Variants in CYFIP1 observed in about 807,000 individuals in gnomAD.
CYFIP1 encodes cytoplasmic FMR1 interacting protein 1.
A neutral mutation model predicts 163.5 loss-of-function variants in CYFIP1; 58 were observed. The ratio of observed to expected loss-of-function variants is 0.35; its 90% confidence interval spans 0.29 to 0.44. The LOEUF is 0.44. Ranked by LOEUF, CYFIP1 falls within the 20% of genes least tolerant of loss-of-function variation. CYFIP1 has a pLI of 1.00. For missense variants in CYFIP1, 1,338 were observed against 1,653.8 expected, an observed-to-expected ratio of 0.81 and a Z score of 3.31; for synonymous variants, 663 against 660.7, an observed-to-expected ratio of 1.00 and a Z score of -0.05.
At chr15:22,939,626 A>C in intron 6 of CYFIP1, 119 bp from the exon 7 acceptor site, 1 of 823,072 alleles carries the variant, frequency 1.2e-6, no homozygotes, top group African/African-American at 1.7e-5. Flanking sequence ...CATCTGCAGA[A>C]ATGTGGGTCA....
At chr15:22,964,049 A>G (rs1207727948) in intron 1 of CYFIP1, among the ~76,000 whole-genome samples, 2 of 152,196 alleles carry the variant, frequency 1.3e-5, no homozygotes, top group African/African-American at 2.4e-5. Flanking sequence ...GGTATTGTTG[A>G]CAAATAAAAA....
chr15:22,930,364 C>T (rs543964657), intron 11 of CYFIP1, among the ~76,000 whole-genome samples: 8 of 133,678 alleles, frequency 6.0e-5, no homozygotes, highest in East Asian at 4.4e-4. Context: ...CCAGCCTGGG[C>T]GACACAGCAA....
intron 16 of CYFIP1, 131 bp from the exon 17 acceptor site, chr15:22,915,013 G>T: frequency 2.1e-6 from 2 of 939,762 alleles, no homozygotes; most frequent in South Asian, 2.0e-5. Context: ...GCATGGACAT[G>T]AGTGGGGAGG....
chr15:22,961,275 G>A (rs1218507276), intron 1 of CYFIP1, among the ~76,000 whole-genome samples: 3 of 152,134 alleles, frequency 2.0e-5, no homozygotes, highest in African/African-American at 7.2e-5. Context: ...GCCGGCTTTG[G>A]CCTTCCAAAG....
intron 1 of CYFIP1, among the ~76,000 whole-genome samples, chr15:22,949,105 C>T (rs1014937703): frequency 1.2e-4 from 19 of 152,138 alleles, no homozygotes; most frequent in African/African-American, 4.3e-4. Flanking sequence ...GAAATCCACA[C>T]CCAGACACAT....
chr15:22,954,865 TG>T (rs1231776203), intron 1 of CYFIP1, among the ~76,000 whole-genome samples: 1 of 152,200 alleles, frequency 6.6e-6, no homozygotes, highest in East Asian at 1.9e-4. Flanking sequence ...GCTCTTCCAG[TG>T]ATGTCCTCAG....
At chr15:22,927,884 T>TG in intron 12 of CYFIP1, 22 bp downstream of exon 12, 1 of 1,585,832 alleles carries the variant, frequency 6.3e-7, no homozygotes, top group Non-Finnish European at 8.5e-7. Flanking sequence ...GGAGCGGGGC[T>TG]GGGGTCGGGG....
At chr15:22,951,939 A>C (rs1038416385) in intron 1 of CYFIP1, among the ~76,000 whole-genome samples, 14 of 151,900 alleles carry the variant, frequency 9.2e-5, no homozygotes, top group Non-Finnish European at 1.8e-4. Flanking sequence ...CAGATAACGC[A>C]GCTTGTTGAA....
At chr15:22,934,744 C>T (rs970886929) in intron 9 of CYFIP1, among the ~76,000 whole-genome samples, 3 of 151,756 alleles carry the variant, frequency 2.0e-5, no homozygotes, top group Non-Finnish European at 2.9e-5. Context: ...GTGATCCACC[C>T]GCCTCGGCCT....
At chr15:22,958,502 G>A (rs2062560784) in intron 1 of CYFIP1, among the ~76,000 whole-genome samples, 1 of 152,210 alleles carries the variant, frequency 6.6e-6, no homozygotes, top group Admixed American at 6.5e-5. Context: ...ATGAGGTGCT[G>A]ACATCTAAAA....
At chr15:22,915,655 A>G (rs1390641545) in intron 16 of CYFIP1, among the ~76,000 whole-genome samples, 6 of 152,142 alleles carry the variant, frequency 3.9e-5, no homozygotes, top group Non-Finnish European at 8.8e-5. Flanking sequence ...AGGCTGAGGG[A>G]GGAGAATCTC....
chr15:22,917,388 A>G lies in CYFIP1; in HGVS notation c.1674+400T>C. 2.1e-6 allele frequency: 2 copies of G among 932,774 alleles called. No homozygotes were observed. The highest frequency in any genetic ancestry group is 2.8e-6 in the Non-Finnish European group (2 of 702,990). The allele number at this position is 932,774 out of a possible 1,614,324, so 57.8% of individuals were successfully genotyped here. ...AGAGGACAGTGGGCAGCTTAGGACC[A>G]TGACACACGCAAGCAGCACCTCACA... On this transcript the variant is annotated intron_variant, in intron 15 of 30. Coordinates refer to ENST00000617928, the MANE Select transcript of CYFIP1 (RefSeq NM_014608.6). The surrounding 1 kb of genome is among the most constrained non-coding windows in gnomAD (Gnocchi z 4.2).
chr15:22,868,813 C>T lies in CYFIP1; in HGVS notation c.*1215G>A, dbSNP rs1200785488. ...TTTAAAATTGGTGAAGGTTGCAATA[C>T]TCCAAATAATGTAAAATGACTGCCA... is the stretch of plus-strand genomic sequence containing the variant. On this transcript the variant is annotated 3_prime_UTR_variant, in exon 31 of 31. Coordinates refer to ENST00000617928, the MANE Select transcript of CYFIP1 (RefSeq NM_014608.6). 1.3e-5 allele frequency: 2 copies of T among 152,142 alleles called. No homozygotes were observed. The highest frequency in any genetic ancestry group is 2.4e-5 in the African/African-American group (1 of 41,418). The allele number at this position is 152,142 out of a possible 1,614,324, so 9.4% of individuals were successfully genotyped here.
chr15:22,936,080 T>G (rs1236530194), intron 9 of CYFIP1, among the ~76,000 whole-genome samples: 1 of 152,062 alleles, frequency 6.6e-6, no homozygotes, highest in Non-Finnish European at 1.5e-5. Flanking sequence ...GAGACCAGCC[T>G]GGGCAACATA....
chr15:22,905,918 AC>A (rs1333116515), intron 21 of CYFIP1, among the ~76,000 whole-genome samples: 3 of 143,244 alleles, frequency 2.1e-5, no homozygotes, highest in African/African-American at 5.3e-5. Context: ...CCGCCACCAC[AC>A]CCGGCTAATT....
At chr15:22,960,217 G>A (rs61072064) in intron 1 of CYFIP1, among the ~76,000 whole-genome samples, 1 of 151,988 alleles carries the variant, frequency 6.6e-6, no homozygotes, top group Admixed American at 6.6e-5. Context: ...CACCTCACTC[G>A]CCAATCTCTA....
intron 12 of CYFIP1, among the ~76,000 whole-genome samples, chr15:22,927,399 C>T (rs2061388614): frequency 6.7e-6 from 1 of 148,336 alleles, no homozygotes; most frequent in East Asian, 2.0e-4. Context: ...AGGAGAATCG[C>T]TTGAACCCAG....
rs910369017 is a variant in CYFIP1 at position 22,917,155 on chromosome 15, G to T, written c.1675-525C>A. On this transcript the variant is annotated intron_variant, in intron 15 of 30. Coordinates refer to ENST00000617928, the MANE Select transcript of CYFIP1 (RefSeq NM_014608.6). This position sits in a 1 kb window ranked among gnomAD's most constrained non-coding sequence, Gnocchi z 4.2. ...GGAGGGTGGCTGGCACCACGCACAG[G>T]CCGAGGGCCGTCCCCCTGACCCTCC... 4.2e-6 allele frequency: 6 copies of T among 1,437,854 alleles called. No homozygotes were observed. Among genetic ancestry groups the T allele is most frequent in the Non-Finnish European group, 5.4e-6 (6 of 1,102,412 alleles). 89.1% of individuals were successfully genotyped at this position (1,437,854 alleles called of 1,614,324 possible). A position where few individuals can be genotyped will look rare whatever the true frequency, so the allele number is the denominator to read the frequency against.
Position 22,926,021 on chromosome 15 carries a change from G to C in CYFIP1, c.1320C>G (p.Arg440=). The C allele has an allele frequency of 1.2e-6, 2 of 1,614,092 alleles. No individual in the cohort carries two copies. Among genetic ancestry groups the C allele is most frequent in the Non-Finnish European group, 1.7e-6 (2 of 1,179,986 alleles). The part of the protein sequence containing the change: ...DSAEEYERAT[R]YNYTSEEKFA... The stretch of plus-strand genomic sequence containing the variant: ...ACTTCTCCTCGCTGGTGTAGTTGTA[G>C]CGCGTGGCACGCTCGTACTCTTCAG... The change falls in exon 13 of 31, where the codon CGC becomes CGG. Residue 440 remains arginine, a synonymous_variant. Coordinates refer to ENST00000617928, the MANE Select transcript of CYFIP1 (RefSeq NM_014608.6).
Sources: gnomAD v4.1 joint callset for allele counts (sites outside exome capture counted in the v4.1 genomes callset) on GRCh38, gnomAD v4.1.1 for gene constraint, Gnocchi (gnomAD v3.1) non-coding constraint, MANE v1.5 for transcripts, NCBI Gene and HGNC (gene_info 2026-07-23, HGNC 2026-07-21) for gene names.